Variants in HDAC7 observed in about 807,000 individuals in gnomAD.
HDAC7 encodes histone deacetylase 7A.
HDAC7 carries 26 observed loss-of-function variants against 115.5 expected under a neutral mutation model. That is an observed-to-expected ratio of 0.23 (90% CI 0.16 to 0.31). The LOEUF is 0.31. Ranked by LOEUF, HDAC7 falls within the 10% of genes least tolerant of loss-of-function variation. HDAC7 has a pLI of 1.00. For synonymous variants in HDAC7, 564 were observed against 550.9 expected (o/e 1.02, Z -0.33); for missense variants, 1,068 against 1,329.0 (o/e 0.80, Z 3.05).
chr12:47,793,245 C>T lies in HDAC7; in HGVS notation c.1678+124G>A, dbSNP rs1053864947. 5.1e-5 allele frequency: 35 copies of T among 691,026 alleles called. No homozygotes were observed. Among genetic ancestry groups the T allele is most frequent in the Admixed American group, 1.5e-4 (5 of 33,082 alleles). The allele number at this position is 691,026 out of a possible 1,614,324, so 42.8% of individuals were successfully genotyped here. A position where few individuals can be genotyped will look rare whatever the true frequency, so the allele number is the denominator to read the frequency against. On this transcript the variant is annotated intron_variant, in intron 13 of 25. Transcript: ENST00000080059. The surrounding 1 kb of genome is among the most constrained non-coding windows in gnomAD (Gnocchi z 4.5). ...TGTTCCATGTGCTCCATGGGTACTA[C>T]GTGGGCCTAACAAGGCTAAGCACTC...
chr12:47,791,750 CCCTCCCATCACCA>C (rs1244396031), intron 14 of HDAC7, 44 bp from the exon 15 acceptor site: 2 of 1,606,208 alleles, frequency 1.2e-6, no homozygotes, highest in Admixed American at 3.4e-5. Flanking sequence ...CTCGCCCCTT[CCCTCCCATCACCA>C]CCACCCCATG....
chr12:47,808,031 G>A (rs1283982982), intron 1 of HDAC7, among the ~76,000 whole-genome samples: 2 of 152,228 alleles, frequency 1.3e-5, no homozygotes, highest in Non-Finnish European at 1.5e-5. Flanking sequence ...TGAGCCAGCC[G>A]GGATGTCTGC....
At position 47,795,208 on chromosome 12, in the gene HDAC7, G is replaced by C. The variant is rs1188769277; in HGVS notation, c.1260C>G (p.Leu420=). Residue 420 remains leucine (L), a synonymous_variant, in exon 11 of 26, where the codon CTC becomes CTG. Transcript: ENST00000080059. This position sits in a 1 kb window ranked among gnomAD's most constrained non-coding sequence, Gnocchi z 4.3. ...CCTTGATCACCTGGACGTGAGTTTT[G>C]AGCTGCTCCAGGCGGGGCTGCATGG... is the stretch of plus-strand genomic sequence containing the variant. The part of the protein sequence containing the change: ...PGPMQPRLEQ[L]KTHVQVIKRS... 5 of 1,612,970 alleles carry C rather than the reference G, an allele frequency of 3.1e-6. No homozygotes were observed. The African/African-American group carries it at 4.0e-5, about 13-fold the overall frequency.
Position 47,795,988 on chromosome 12 carries a change from T to G in HDAC7, c.824A>C (p.Gln275Pro), listed in dbSNP as rs757182991. The change falls in exon 9 of 26, where the codon CAG (glutamine) becomes CCG (proline). Residue 275 changes from glutamine to proline, a missense_variant. Transcript: ENST00000080059. The surrounding 1 kb of genome is among the most constrained non-coding windows in gnomAD (Gnocchi z 4.3). Reference sequence around the variant, plus strand: ...GGCGAACGGGGCCACAGAAGTCTCCTGCAGCCGCAGCCGCTGGCCCAAGAG... The same window carrying G: ...GGCGAACGGGGCCACAGAAGTCTCCGGCAGCCGCAGCCGCTGGCCCAAGAG... ...EALLGQRLRLQETSVAPFALP... is the reference protein window; with the variant it reads ...EALLGQRLRLPETSVAPFALP... 1.3e-6 allele frequency: 2 copies of G among 1,549,480 alleles called. No individual in the cohort carries two copies. Among genetic ancestry groups the G allele is most frequent in the South Asian group, 2.4e-5 (2 of 84,048 alleles).
intron 25 of HDAC7, 71 bp downstream of exon 25, chr12:47,784,008 C>G (rs529754786): frequency 1.2e-6 from 2 of 1,602,614 alleles, no homozygotes; most frequent in Non-Finnish European, 1.7e-6. Context: ...ATAGCGGACC[C>G]GGGGTCTTCA....
chr12:47,792,620 C>A (rs1296422566), intron 13 of HDAC7: 2 of 455,942 alleles, frequency 4.4e-6, no homozygotes, highest in Non-Finnish European at 8.8e-6. Flanking sequence ...CAACGACTCT[C>A]AAAATGCTCA....
At chr12:47,815,302 A>G (rs1944820630) in intron 1 of HDAC7, among the ~76,000 whole-genome samples, 2 of 152,224 alleles carry the variant, frequency 1.3e-5, no homozygotes, top group African/African-American at 4.8e-5. Context: ...CCACGTCATC[A>G]CAAAGTGTAG....
rs1943625358 is a variant in HDAC7 at position 47,793,314 on chromosome 12, T to A, written c.1678+55A>T. On this transcript the variant is annotated intron_variant, in intron 13 of 25. Transcript: ENST00000080059. The surrounding 1 kb of genome is among the most constrained non-coding windows in gnomAD (Gnocchi z 4.5). ...CCCAAGTGACACCAAGACACCCACA[T>A]GGACTCGTGCAGCCGAGCCCCTCCC... is the stretch of plus-strand genomic sequence containing the variant. 1 of 1,328,320 alleles carries A rather than the reference T, an allele frequency of 7.5e-7. No individual in the cohort carries two copies. Among genetic ancestry groups the A allele is most frequent in the Admixed American group, 2.4e-5 (1 of 41,456 alleles). 82.3% of individuals were successfully genotyped at this position (1,328,320 alleles called of 1,614,324 possible).
chr12:47,796,109 C>T, intron 8 of HDAC7, 93 bp from the exon 9 acceptor site: 3 of 1,507,012 alleles, frequency 2.0e-6, no homozygotes, highest in Non-Finnish European at 1.8e-6. Flanking sequence ...GCAGGGGCTG[C>T]CCAGACCCTG....
intron 1 of HDAC7, among the ~76,000 whole-genome samples, chr12:47,812,057 G>A (rs1433337414): frequency 1.3e-5 from 2 of 152,250 alleles, no homozygotes; most frequent in African/African-American, 4.8e-5. Flanking sequence ...CACCCCAGCA[G>A]ATGCTGGCAA....
In HDAC7 at chr12:47,795,336, T is replaced by C. The variant is rs1190997787; in HGVS notation, c.1132A>G (p.Met378Val). The stretch of plus-strand genomic sequence containing the variant: ...GACCCAGAGAGCCGCTCGGTGGTCA[T>C]TAAGGACTGGGCAAAGTGGAAGGGC... The part of the protein sequence containing the change: ...PLPFHFAQSL[M>V]TTERLSGSGL... The change falls in exon 11 of 26, where the codon ATG becomes GTG. Residue 378 changes from methionine (M) to valine (V), a missense_variant. This residue lies in a region of HDAC7 where 618 missense variants were observed against 701.5 expected (regional missense o/e 0.88). Transcript: ENST00000080059. This position sits in a 1 kb window ranked among gnomAD's most constrained non-coding sequence, Gnocchi z 4.3. 59 of 1,611,128 alleles carry C rather than the reference T, an allele frequency of 3.7e-5. No homozygotes were observed. The East Asian group carries it at 1.3e-3, about 35-fold the overall frequency.
Position 47,803,245 on chromosome 12 carries a change from T to C in HDAC7, c.20-971A>G, listed in dbSNP as rs2137015403. Among the ~76,000 whole-genome samples, 1 of 152,304 alleles carries C rather than the reference T, an allele frequency of 6.6e-6. No homozygotes were observed. The highest frequency in any genetic ancestry group is 2.4e-5 in the African/African-American group (1 of 41,578). ...ACAGGAGGCCAGGAGACCCAGAGGC[T>C]GCCTGGACGGGGTACTGGGTGGACA... On this transcript the variant is annotated intron_variant, in intron 1 of 25. Coordinates refer to ENST00000080059, the MANE Select transcript of HDAC7 (RefSeq NM_015401.5). The surrounding 1 kb of genome is among the most constrained non-coding windows in gnomAD (Gnocchi z 4.0).
Position 47,819,829 on chromosome 12 carries a change from G to C in HDAC7, c.-44C>G. 1 of 198,066 alleles carries C rather than the reference G, an allele frequency of 5.0e-6. No homozygotes were observed. Among genetic ancestry groups the C allele is most frequent in the South Asian group, 1.6e-4 (1 of 6,088 alleles). 12.3% of individuals were successfully genotyped at this position (198,066 alleles called of 1,614,324 possible). A position where few individuals can be genotyped will look rare whatever the true frequency, so the allele number is the denominator to read the frequency against. ...AGAGCGGGGGGCTCATGGCGGGGCG[G>C]GGGGCTGGGGCGCCGGCCTCACATC... On this transcript the variant is annotated 5_prime_UTR_variant, in exon 1 of 26. Transcript: ENST00000080059.
intron 1 of HDAC7, among the ~76,000 whole-genome samples, chr12:47,808,729 C>T (rs1792079462): frequency 6.6e-6 from 1 of 152,228 alleles, no homozygotes; most frequent in Admixed American, 6.5e-5. Flanking sequence ...GGGCCTGCAT[C>T]TACTTCCTAT....
intron 23 of HDAC7, 94 bp downstream of exon 23, chr12:47,785,658 C>G (rs1457740729): frequency 6.8e-7 from 1 of 1,479,192 alleles, no homozygotes. Flanking sequence ...CCACTCCCAC[C>G]CTGTCCCATC....
chr12:47,795,106 T>A lies in HDAC7; in HGVS notation c.1284+78A>T, dbSNP rs1249358772. 1 of 1,373,214 alleles carries A rather than the reference T, an allele frequency of 7.3e-7. No homozygotes were observed. Among genetic ancestry groups the A allele is most frequent in the Non-Finnish European group, 1.0e-6 (1 of 986,214 alleles). 85.1% of individuals were successfully genotyped at this position (1,373,214 alleles called of 1,614,324 possible). ...TTGCCCTCCAGTTCCCTGCCCTTTC[T>A]AAGTACCCCTCTTCTTTTGGCCCCT... On this transcript the variant is annotated intron_variant, in intron 11 of 25. Transcript: ENST00000080059. The surrounding 1 kb of genome is among the most constrained non-coding windows in gnomAD (Gnocchi z 4.3).
At chr12:47,784,946 G>A in intron 24 of HDAC7, 1 of 623,442 alleles carries the variant, frequency 1.6e-6, no homozygotes, top group Non-Finnish European at 2.8e-6. Context: ...AATAGATGTT[G>A]AGTTGAAGTT....
intron 24 of HDAC7, chr12:47,784,856 C>T: frequency 7.8e-7 from 1 of 1,284,120 alleles, no homozygotes. Context: ...CACGGCTCCC[C>T]TACCCAGCCC....
chr12:47,792,103 A>G (rs1943563970), intron 13 of HDAC7, 99 bp from the exon 14 acceptor site: 29 of 1,401,090 alleles, frequency 2.1e-5, no homozygotes, highest in Non-Finnish European at 2.6e-5. Flanking sequence ...AGGCACCCAC[A>G]TGGAGCCGGG....
Sources: allele counts gnomAD v4.1 joint callset (sites outside exome capture counted in the v4.1 genomes callset), GRCh38; gene constraint gnomAD v4.1.1; regional missense constraint gnomAD v4.1.1; non-coding constraint Gnocchi (gnomAD v3.1); transcripts MANE v1.5; gene names NCBI Gene and HGNC (gene_info 2026-07-23, HGNC 2026-07-21).